The following BTBD8 variants were observed in gnomAD, a reference collection of about 807,000 sequenced individuals.
BTBD8 encodes the protein BTB/POZ domain-containing protein 8.
BTBD8 carries 110 observed loss-of-function variants against 162.9 expected under a neutral mutation model. The ratio of observed to expected loss-of-function variants is 0.68; its 90% CI spans 0.58 to 0.79. The LOEUF is 0.79. BTBD8 is among the 30% of genes least tolerant of loss of function. The pLI is 0.00. For synonymous variants in BTBD8, 667 were observed against 716.1 expected, an observed-to-expected ratio of 0.93 and a Z score of 1.10; for missense variants, 1,905 against 2,085.4, an observed-to-expected ratio of 0.91 and a Z score of 1.68.
intron 13 of BTBD8, among the ~76,000 whole-genome samples, chr1:92,172,669 TGCCC>T: frequency 6.6e-6 from 1 of 152,368 alleles, no homozygotes; most frequent in South Asian, 2.1e-4. Context: ...ATGAACGTAT[TGCCC>T]TAGCAGAGTG....
intron 4 of BTBD8, among the ~76,000 whole-genome samples, chr1:92,116,446 A>G (rs1219077898): frequency 6.6e-6 from 1 of 152,072 alleles, no homozygotes; most frequent in African/African-American, 2.4e-5. Flanking sequence ...TCCAAGTATC[A>G]TTATAAATTT....
At chr1:92,101,435 A>G (rs913242299) in intron 2 of BTBD8, among the ~76,000 whole-genome samples, 9 of 152,190 alleles carry the variant, frequency 5.9e-5, no homozygotes, top group Non-Finnish European at 1.0e-4. Context: ...CAAAATTCAC[A>G]TGGAAGAAGA....
intron 9 of BTBD8, among the ~76,000 whole-genome samples, chr1:92,157,653 A>G (rs1570749410): frequency 6.7e-6 from 1 of 148,790 alleles, no homozygotes; most frequent in Non-Finnish European, 1.5e-5. Context: ...ATGTGCCATC[A>G]TCACTGGCTT....
chr1:92,130,208 A>G (rs1300035992), intron 5 of BTBD8, among the ~76,000 whole-genome samples: 1 of 152,130 alleles, frequency 6.6e-6, no homozygotes, highest in Non-Finnish European at 1.5e-5. Context: ...AACGAATCCT[A>G]TCAGATCAAG....
At chr1:92,173,289 G>A (rs1266632523) in intron 13 of BTBD8, among the ~76,000 whole-genome samples, 1 of 152,176 alleles carries the variant, frequency 6.6e-6, no homozygotes, top group Non-Finnish European at 1.5e-5. Flanking sequence ...AAACACTAAA[G>A]AATACTTTTG....
rs936201366 is a variant in BTBD8, at chr1:92,157,081, T to C, written c.1122+9295T>C. Among the ~76,000 whole-genome samples, 3 of 152,128 alleles carry C rather than the reference T, an allele frequency of 2.0e-5. No homozygotes were observed. In the East Asian group the frequency reaches 5.8e-4, roughly 29 times the overall value. ...TATTGCTATAAACTTTGCTCTTAGTTCTGCTTTTGCTACATCCCATAAGTT... is the reference window on the plus strand; with the variant it reads ...TATTGCTATAAACTTTGCTCTTAGTCCTGCTTTTGCTACATCCCATAAGTT... On this transcript the variant is annotated intron_variant, in intron 9 of 17. Coordinates refer to ENST00000636805, the MANE Select transcript of BTBD8 (RefSeq NM_001376131.1).
chr1:92,157,459 C>T (rs1250058916), intron 9 of BTBD8, among the ~76,000 whole-genome samples: 1 of 152,080 alleles, frequency 6.6e-6, no homozygotes, highest in Non-Finnish European at 1.5e-5. Flanking sequence ...TCCAGTATTT[C>T]TCCATTGATT....
chr1:92,150,515 A>C (rs1048722518), intron 9 of BTBD8: 1 of 152,218 alleles, frequency 6.6e-6, no homozygotes, highest in African/African-American at 2.4e-5. Context: ...TTATTGTCAT[A>C]TATTTGTATG....
At chr1:92,100,855 T>G (rs1216116440) in intron 2 of BTBD8, among the ~76,000 whole-genome samples, 1 of 152,148 alleles carries the variant, frequency 6.6e-6, no homozygotes, top group Non-Finnish European at 1.5e-5. Context: ...GTGATTCGTT[T>G]GCCTCGGCCT....
chr1:92,147,355 G>T (rs560431283), intron 8 of BTBD8, 87 bp downstream of exon 8: 9 of 1,180,082 alleles, frequency 7.6e-6, no homozygotes, highest in South Asian at 1.4e-5. Flanking sequence ...TTTAGAGTTG[G>T]CCTGTTTTCT....
At chr1:92,164,651 C>T (rs927122016) in intron 9 of BTBD8, among the ~76,000 whole-genome samples, 1 of 148,720 alleles carries the variant, frequency 6.7e-6, no homozygotes, top group South Asian at 2.1e-4. Flanking sequence ...GCACTCCTGC[C>T]TGGGTGACAG....
chr1:92,161,951 A>G (rs938496325), intron 9 of BTBD8, among the ~76,000 whole-genome samples: 9 of 152,064 alleles, frequency 5.9e-5, no homozygotes, highest in African/African-American at 1.7e-4. Context: ...GGTGTTTTCT[A>G]TGTTTCTTCT....
chr1:92,167,284 G>T lies in BTBD8; in HGVS notation c.1305+144G>T, dbSNP rs933854482. On this transcript the variant is annotated intron_variant, in intron 10 of 17. Transcript: ENST00000636805. ...CATAGCAGATGGCATGTTTACATAG[G>T]ATTTAAGGCAGTGATGGACAGGATA... 72 of 1,123,780 alleles carry T rather than the reference G, an allele frequency of 6.4e-5. 1 individual carries two copies. In the Middle Eastern group the frequency reaches 1.5e-3, roughly 23 times the overall value. The allele number at this position is 1,123,780 out of a possible 1,614,324, so 69.6% of individuals were successfully genotyped here. A position where few individuals can be genotyped will look rare whatever the true frequency, so the allele number is the denominator to read the frequency against.
intron 4 of BTBD8, chr1:92,115,925 T>C (rs1649032167): frequency 6.6e-6 from 1 of 152,170 alleles, no homozygotes; most frequent in South Asian, 2.1e-4. Flanking sequence ...ATTTATACTT[T>C]CTTAAGATGG....
At chr1:92,147,337 T>C in intron 8 of BTBD8, 69 bp downstream of exon 8, 3 of 1,393,446 alleles carry the variant, frequency 2.2e-6, no homozygotes, top group Non-Finnish European at 3.0e-6. Context: ...TCTAATTTTG[T>C]GGGGAACTTT....
chr1:92,103,364 T>C (rs1278118046), intron 3 of BTBD8, among the ~76,000 whole-genome samples: 2 of 152,208 alleles, frequency 1.3e-5, no homozygotes, highest in Non-Finnish European at 2.9e-5. Flanking sequence ...TGAATAGACA[T>C]TCTAGGCCTT....
intron 9 of BTBD8, among the ~76,000 whole-genome samples, chr1:92,164,776 C>T (rs1009852936): frequency 2.0e-5 from 3 of 150,866 alleles, no homozygotes; most frequent in African/African-American, 7.3e-5. Flanking sequence ...ATCCTTCTAC[C>T]TCAGCTTCCC....
chr1:92,181,047 T>A lies in BTBD8; in HGVS notation c.3364T>A (p.Ser1122Thr), dbSNP rs1379640292. The A allele has an allele frequency of 6.4e-7, 1 of 1,551,812 alleles. No individual in the cohort carries two copies. The highest frequency in any genetic ancestry group is 8.7e-7 in the Non-Finnish European group (1 of 1,147,016). The change falls in exon 17 of 18, where the codon TCA becomes ACA. Residue 1122 changes from serine (S) to threonine (T), a missense_variant. By Grantham distance (58) the Ser-to-Thr change is moderately conservative. Around this residue, in one of 3 missense-constraint regions of BTBD8, gnomAD observed 1,374 missense variants for 1,442.7 expected, o/e 0.95. Coordinates refer to ENST00000636805, the MANE Select transcript of BTBD8 (RefSeq NM_001376131.1). ...STSAGQIHLI[S>T]DRENQVGRKD... is the part of the protein sequence containing the mutation. ...AAGTGCAGGGCAAATCCATTTGATA[T>A]CAGATAGGGAGAACCAAGTAGGGAG...
chr1:92,085,791 G>A (rs185225746), intron 1 of BTBD8, among the ~76,000 whole-genome samples: 1 of 152,330 alleles, frequency 6.6e-6, no homozygotes, highest in South Asian at 2.1e-4. Flanking sequence ...ACTTTGGAAG[G>A]CTGAGGGGGA....
Sources: allele counts gnomAD v4.1 joint callset (sites outside exome capture counted in the v4.1 genomes callset), GRCh38; gene constraint gnomAD v4.1.1; regional missense constraint gnomAD v4.1.1; transcripts MANE v1.5; gene names NCBI Gene and HGNC (gene_info 2026-07-23, HGNC 2026-07-21).